SKAP1: variants seen among roughly 807,000 people sequenced by gnomAD.
SKAP1 encodes the protein src kinase associated phosphoprotein 1, also known as src kinase-associated phosphoprotein 1.
A neutral mutation model predicts 58.5 loss-of-function variants in SKAP1; 44 were observed. The ratio of observed to expected loss-of-function variants is 0.75; its 90% CI spans 0.59 to 0.97. The LOEUF (loss-of-function observed/expected upper bound fraction) is 0.97, where lower values mean the gene tolerates loss of function less well. SKAP1 is among the 50% of genes least tolerant of loss of function. The probability of loss-of-function intolerance (pLI) is 0.00; values close to 1 mark genes in which losing one functional copy is unlikely to be tolerated. For missense variants in SKAP1, 390 were observed against 435.2 expected, an observed-to-expected ratio of 0.90 and a Z score of 0.92; for synonymous variants, 127 against 149.7, an observed-to-expected ratio of 0.85 and a Z score of 1.11.
intron 8 of SKAP1, among the ~76,000 whole-genome samples, chr17:48,181,194 C>T (rs1026670588): frequency 6.6e-6 from 1 of 152,100 alleles, no homozygotes; most frequent in Non-Finnish European, 1.5e-5. Context: ...TTTGGTGCCA[C>T]CACATACGAG....
intron 4 of SKAP1, among the ~76,000 whole-genome samples, chr17:48,199,268 ATGAAACTC>A (rs2064692151): frequency 6.6e-6 from 1 of 152,202 alleles, no homozygotes; most frequent in South Asian, 2.1e-4. Context: ...TACCTACAGG[ATGAAACTC>A]AAACTCTCCA....
At chr17:48,359,778 G>GT (rs34856253) in intron 3 of SKAP1, among the ~76,000 whole-genome samples, 11 of 151,404 alleles carry the variant, frequency 7.3e-5, no homozygotes, top group South Asian at 6.3e-4. Context: ...AGCTAATTTT[G>GT]TTTTTTTTGT....
intron 2 of SKAP1, among the ~76,000 whole-genome samples, chr17:48,392,580 G>T (rs966730021): frequency 6.6e-6 from 1 of 151,702 alleles, no homozygotes. Flanking sequence ...TCTATTTTTG[G>T]CTGGGCGTGG....
chr17:48,439,181 C>A, the SKAP1 span, among the ~76,000 whole-genome samples: 1 of 152,330 alleles, frequency 6.6e-6, no homozygotes, highest in East Asian at 1.9e-4. Flanking sequence ...TACTTTTTAG[C>A]ATCTGCACTT....
chr17:48,273,065 A>G (rs1018330140), intron 4 of SKAP1, among the ~76,000 whole-genome samples: 12 of 152,080 alleles, frequency 7.9e-5, no homozygotes, highest in African/African-American at 1.9e-4. Context: ...AATCCAGCCA[A>G]CCTCCTGGGA....
chr17:48,331,987 T>C (rs1250807292), intron 4 of SKAP1, among the ~76,000 whole-genome samples: 1 of 152,180 alleles, frequency 6.6e-6, no homozygotes, highest in African/African-American at 2.4e-5. Flanking sequence ...TAAAATTTTG[T>C]CACTCTCTTC....
intron 4 of SKAP1, among the ~76,000 whole-genome samples, chr17:48,291,348 T>C (rs1012143713): frequency 3.9e-5 from 6 of 152,194 alleles, no homozygotes; most frequent in African/African-American, 1.2e-4. Context: ...TTCTCTTTCT[T>C]GTAAAAAATT....
chr17:48,291,210 C>T (rs1485948565), intron 4 of SKAP1, among the ~76,000 whole-genome samples: 1 of 152,148 alleles, frequency 6.6e-6, no homozygotes, highest in Non-Finnish European at 1.5e-5. Context: ...TACCTGTTGA[C>T]CACCTTCATG....
At chr17:48,329,074 G>A (rs1359639376) in intron 4 of SKAP1, among the ~76,000 whole-genome samples, 8 of 152,160 alleles carry the variant, frequency 5.3e-5, no homozygotes, top group Admixed American at 4.6e-4. Flanking sequence ...AGTTACAAAT[G>A]TTAGTGACTG....
intron 3 of SKAP1, among the ~76,000 whole-genome samples, chr17:48,348,847 G>A (rs1349601441): frequency 6.6e-6 from 1 of 152,158 alleles, no homozygotes; most frequent in Non-Finnish European, 1.5e-5. Context: ...AGCCACCCCT[G>A]GTGTCAAACA....
chr17:48,185,112 A>C, intron 6 of SKAP1: 1 of 378,848 alleles, frequency 2.6e-6, no homozygotes, highest in East Asian at 5.6e-5. Flanking sequence ...TAGAATGTTA[A>C]GAGATCTATA....
intron 4 of SKAP1, among the ~76,000 whole-genome samples, chr17:48,278,720 T>A (rs1454414378): frequency 6.6e-6 from 1 of 152,120 alleles, no homozygotes; most frequent in Non-Finnish European, 1.5e-5. Context: ...AGTGGCTGGA[T>A]ACTGGGCTGG....
chr17:48,189,579 A>G (rs1012051622), intron 4 of SKAP1, 79 bp from the exon 5 acceptor site: 3 of 974,142 alleles, frequency 3.1e-6, no homozygotes, highest in Non-Finnish European at 4.8e-6. Context: ...GGTAATTCAC[A>G]TTAATAACAG....
intron 4 of SKAP1, among the ~76,000 whole-genome samples, chr17:48,246,225 A>C (rs1266765621): frequency 6.6e-6 from 1 of 152,222 alleles, no homozygotes; most frequent in Non-Finnish European, 1.5e-5. Context: ...ATTAAGCTGA[A>C]TATTATACTT....
chr17:48,274,447 A>G (rs2065673820), intron 4 of SKAP1, among the ~76,000 whole-genome samples: 1 of 152,054 alleles, frequency 6.6e-6, no homozygotes, highest in African/African-American at 2.4e-5. Context: ...ATGTAATCCC[A>G]GCACTTTGGG....
intron 4 of SKAP1, among the ~76,000 whole-genome samples, chr17:48,263,877 T>C (rs2143942404): frequency 6.6e-6 from 1 of 152,202 alleles, no homozygotes; most frequent in Non-Finnish European, 1.5e-5. Flanking sequence ...ATTCTTTTCC[T>C]GAAACACAGA....
chr17:48,406,829 G>A (rs1364326655), intron 1 of SKAP1, among the ~76,000 whole-genome samples: 3 of 152,098 alleles, frequency 2.0e-5, no homozygotes, highest in East Asian at 3.9e-4. Flanking sequence ...GCCTCCCAAA[G>A]TGCTGGGATT....
chr17:48,134,104 C>T (rs905569199), intron 12 of SKAP1, among the ~76,000 whole-genome samples: 2 of 152,138 alleles, frequency 1.3e-5, no homozygotes, highest in Non-Finnish European at 2.9e-5. Context: ...ATGTATTCCA[C>T]ACAGTTTCCC....
chr17:48,236,748 C>T (rs2065185653), intron 4 of SKAP1, among the ~76,000 whole-genome samples: 1 of 152,166 alleles, frequency 6.6e-6, no homozygotes, highest in Non-Finnish European at 1.5e-5. Flanking sequence ...AGAAAAGTAT[C>T]TGCTAAGGTG....
Sources: gnomAD v4.1 joint callset for allele counts (sites outside exome capture counted in the v4.1 genomes callset) on GRCh38, gnomAD v4.1.1 for gene constraint, MANE v1.5 for transcripts, NCBI Gene and HGNC (gene_info 2026-07-23, HGNC 2026-07-21) for gene names.